Variants in MEIS2 observed in about 807,000 individuals in gnomAD.
MEIS2 encodes Meis homeobox 2.
MEIS2 carries 9 observed loss-of-function variants against 58.6 expected under a neutral mutation model. The observed-to-expected ratio is 0.15, with a 90% confidence interval of 0.09 to 0.27. MEIS2 has a LOEUF of 0.27. Ranked by LOEUF, MEIS2 falls within the 10% of genes least tolerant of loss-of-function variation. MEIS2 has a pLI of 1.00. For missense variants in MEIS2, 427 were observed against 635.0 expected (o/e 0.67, Z 3.52); for synonymous variants, 221 against 228.4 (o/e 0.97, Z 0.29).
chr15:36,954,112 T>A (rs1171115253), intron 8 of MEIS2, among the ~76,000 whole-genome samples: 1 of 152,252 alleles, frequency 6.6e-6, no homozygotes, highest in Admixed American at 6.5e-5. Context: ...AAAGCTAGTA[T>A]CTGGAAGGCT....
intron 6 of MEIS2, among the ~76,000 whole-genome samples, chr15:37,092,253 G>A (rs1035455103): frequency 1.3e-5 from 2 of 152,170 alleles, no homozygotes; most frequent in Non-Finnish European, 2.9e-5. Flanking sequence ...TTGTTCTTAG[G>A]CTGGCTTCCC....
rs1258027916 is a variant in MEIS2 at position 36,910,977 on chromosome 15, G to A, written c.978-14291C>T. ...GGAGAATGGCTTGAGCCCGGGAGGC[G>A]GAGGTTGCAGTGAGCTGAGATCGCG... On this transcript the variant is annotated intron_variant, in intron 9 of 11. Transcript: ENST00000561208. Among the ~76,000 whole-genome samples, 5 of 151,450 alleles carry A rather than the reference G, an allele frequency of 3.3e-5. No individual in the cohort carries two copies. The East Asian group carries it at 7.8e-4, about 24-fold the overall frequency.
intron 7 of MEIS2, among the ~76,000 whole-genome samples, chr15:37,060,477 C>T (rs1280386344): frequency 6.6e-6 from 1 of 152,044 alleles, no homozygotes; most frequent in East Asian, 1.9e-4. Context: ...CACTTTAGTT[C>T]CAGGAAGTTA....
At chr15:37,013,149 A>T (rs1040911351) in intron 8 of MEIS2, among the ~76,000 whole-genome samples, 1 of 152,192 alleles carries the variant, frequency 6.6e-6, no homozygotes, top group Admixed American at 6.5e-5. Flanking sequence ...GAATCCTTCC[A>T]CTGAGAGTGC....
At chr15:37,016,478 T>C (rs184077391) in intron 8 of MEIS2, among the ~76,000 whole-genome samples, 14 of 152,100 alleles carry the variant, frequency 9.2e-5, no homozygotes, top group African/African-American at 3.1e-4. Context: ...CGGTGATTAA[T>C]AGCAACTGTA....
chr15:36,938,325 G>A (rs1476913753), intron 9 of MEIS2, among the ~76,000 whole-genome samples: 1 of 152,018 alleles, frequency 6.6e-6, no homozygotes, highest in Non-Finnish European at 1.5e-5. Flanking sequence ...TCCCTACAGG[G>A]CTCATCTTTA....
intron 7 of MEIS2, among the ~76,000 whole-genome samples, chr15:37,081,612 T>C (rs1020713249): frequency 6.6e-6 from 1 of 152,198 alleles, no homozygotes; most frequent in African/African-American, 2.4e-5. Flanking sequence ...TGTGTTTTAA[T>C]CACTGATGTG....
chr15:37,079,519 A>G (rs1200139213), intron 7 of MEIS2, among the ~76,000 whole-genome samples: 2 of 140,334 alleles, frequency 1.4e-5, no homozygotes, highest in African/African-American at 5.3e-5. Context: ...TCCTCTTTAA[A>G]TATATAACTG....
chr15:37,002,556 G>T (rs1246872218), intron 8 of MEIS2, among the ~76,000 whole-genome samples: 7 of 152,072 alleles, frequency 4.6e-5, no homozygotes, highest in African/African-American at 2.4e-5. Context: ...GGAAAATAAA[G>T]ACCACTAAAT....
At chr15:37,085,926 G>A (rs1019471837) in intron 6 of MEIS2, among the ~76,000 whole-genome samples, 3 of 152,012 alleles carry the variant, frequency 2.0e-5, no homozygotes, top group African/African-American at 7.2e-5. Context: ...GAGATAAAGA[G>A]CTAGAAGAAT....
chr15:37,013,339 G>A (rs1252210631), intron 8 of MEIS2, among the ~76,000 whole-genome samples: 1 of 152,082 alleles, frequency 6.6e-6, no homozygotes, highest in Non-Finnish European at 1.5e-5. Flanking sequence ...AGGAGGCCGA[G>A]GTGGATGGAT....
At chr15:36,976,614 C>T (rs2059769343) in intron 8 of MEIS2, among the ~76,000 whole-genome samples, 1 of 151,536 alleles carries the variant, frequency 6.6e-6, no homozygotes, top group Non-Finnish European at 1.5e-5. Context: ...ATCTCTGTGC[C>T]TAGGAACCTA....
chr15:36,945,077 A>C (rs1467661979), intron 9 of MEIS2, among the ~76,000 whole-genome samples: 1 of 152,076 alleles, frequency 6.6e-6, no homozygotes, highest in Non-Finnish European at 1.5e-5. Flanking sequence ...CACACCTTTG[A>C]AAATGACTTT....
intron 8 of MEIS2, among the ~76,000 whole-genome samples, chr15:36,978,366 G>A (rs2059825532): frequency 6.6e-6 from 1 of 152,228 alleles, no homozygotes; most frequent in South Asian, 2.1e-4. Flanking sequence ...AACACTGTCA[G>A]TAGTAGCAGA....
At chr15:36,962,015 C>A (rs2059199357) in intron 8 of MEIS2, among the ~76,000 whole-genome samples, 1 of 152,142 alleles carries the variant, frequency 6.6e-6, no homozygotes, top group African/African-American at 2.4e-5. Context: ...AAAACAGAAC[C>A]TTAAAAGGAC....
At chr15:36,924,862 G>T (rs2057679486) in intron 9 of MEIS2, among the ~76,000 whole-genome samples, 3 of 152,138 alleles carry the variant, frequency 2.0e-5, no homozygotes, top group Admixed American at 6.5e-5. Flanking sequence ...TCTTGCAAAC[G>T]GAGATACAGT....
At chr15:36,950,222 C>G (rs555839781) in intron 9 of MEIS2, 102 bp downstream of exon 9, 3 of 1,051,846 alleles carry the variant, frequency 2.9e-6, no homozygotes, top group East Asian at 4.9e-5. Context: ...TTATCCTCCT[C>G]GATTTCATTT....
chr15:36,972,783 A>G (rs1011595373), intron 8 of MEIS2: 10 of 152,174 alleles, frequency 6.6e-5, no homozygotes, highest in African/African-American at 2.4e-4. Context: ...ATCAGTTGTG[A>G]CAATTCATAG....
intron 8 of MEIS2, among the ~76,000 whole-genome samples, chr15:37,036,159 A>G (rs2062142977): frequency 6.6e-6 from 1 of 152,240 alleles, no homozygotes; most frequent in African/African-American, 2.4e-5. Flanking sequence ...GTTACTTTTA[A>G]AATGTCTCAC....
Sources: allele counts gnomAD v4.1 joint callset (sites outside exome capture counted in the v4.1 genomes callset), GRCh38; gene constraint gnomAD v4.1.1; transcripts MANE v1.5; gene names NCBI Gene and HGNC (gene_info 2026-07-23, HGNC 2026-07-21).